ADARB2: variants seen among roughly 807,000 people sequenced by gnomAD.
ADARB2 encodes inactive double-stranded RNA-specific editase B2.
A neutral mutation model predicts 62.2 loss-of-function variants in ADARB2; 25 were observed. That is an observed-to-expected ratio of 0.40 (90% CI 0.29 to 0.56). The LOEUF is 0.56. Among genes scored for constraint, ADARB2 ranks in the 20% least tolerant of loss-of-function variants. The pLI is 0.43. For missense variants in ADARB2, 1,071 were observed against 1,077.4 expected, an observed-to-expected ratio of 0.99 and a Z score of 0.08; for synonymous variants, 572 against 500.8, an observed-to-expected ratio of 1.14 and a Z score of -1.90.
intron 3 of ADARB2, among the ~76,000 whole-genome samples, chr10:1,333,724 A>G (rs1831949059): frequency 6.6e-6 from 1 of 152,226 alleles, no homozygotes; most frequent in African/African-American, 2.4e-5. Context: ...AAAAGGAAGC[A>G]GCAGCCCGTG....
chr10:1,361,351 C>A, intron 3 of ADARB2: 1 of 152,304 alleles, frequency 6.6e-6, no homozygotes, highest in Non-Finnish European at 1.5e-5. Context: ...CCCCAGCGCC[C>A]TTGTGAGGAA....
intron 1 of ADARB2, among the ~76,000 whole-genome samples, chr10:1,497,025 G>C (rs543087008): frequency 1.3e-5 from 2 of 152,148 alleles, no homozygotes; most frequent in Admixed American, 1.3e-4. Flanking sequence ...GTCCAGCCCT[G>C]CCTCTAGCTG....
chr10:1,723,969 C>T (rs1475742337), intron 1 of ADARB2, among the ~76,000 whole-genome samples: 1 of 152,160 alleles, frequency 6.6e-6, no homozygotes, highest in Non-Finnish European at 1.5e-5. Context: ...GATACCCTAA[C>T]CGTAAGCTTT....
chr10:1,422,140 TAAGCCAAGGTTGGC>T (rs1292073701), intron 1 of ADARB2, among the ~76,000 whole-genome samples: 1 of 152,228 alleles, frequency 6.6e-6, no homozygotes, highest in Non-Finnish European at 1.5e-5. Flanking sequence ...CACGAGTTTT[TAAGCCAAGGTTGGC>T]AAGAGGAATA....
At chr10:1,716,634 A>G in intron 1 of ADARB2, among the ~76,000 whole-genome samples, 1 of 152,238 alleles carries the variant, frequency 6.6e-6, no homozygotes, top group East Asian at 1.9e-4. Context: ...AAGAAGTCTT[A>G]CAGCAAAACA....
intron 1 of ADARB2, among the ~76,000 whole-genome samples, chr10:1,591,420 G>A (rs1297076480): frequency 6.6e-6 from 1 of 152,152 alleles, no homozygotes; most frequent in Non-Finnish European, 1.5e-5. Flanking sequence ...GTCTACAGCT[G>A]CATTATTGGC....
intron 1 of ADARB2, among the ~76,000 whole-genome samples, chr10:1,496,004 G>C (rs905262686): frequency 1.3e-5 from 2 of 149,014 alleles, no homozygotes; most frequent in African/African-American, 2.5e-5. Flanking sequence ...CATCATCATA[G>C]TCATCATCAT....
intron 1 of ADARB2, among the ~76,000 whole-genome samples, chr10:1,606,375 TG>T (rs1302817328): frequency 6.6e-6 from 1 of 152,142 alleles, no homozygotes; most frequent in Non-Finnish European, 1.5e-5. Flanking sequence ...TGGACACACC[TG>T]GTGAGGAGTG....
intron 1 of ADARB2, among the ~76,000 whole-genome samples, chr10:1,393,641 T>C (rs1243262979): frequency 6.6e-6 from 1 of 152,204 alleles, no homozygotes; most frequent in East Asian, 1.9e-4. Context: ...ACTATGGTAC[T>C]GTGCACAGTC....
In ADARB2 at chr10:1,224,775, G is replaced by C. The variant is rs568143264; in HGVS notation, c.1514-7656C>G. ...TTCTAGTTTGATTGCACTGTGGTCT[G>C]AGAGACAGTTTGTTATAATTTCGGT... On this transcript the variant is annotated intron_variant, in intron 6 of 9. Transcript: ENST00000381312. Among the ~76,000 whole-genome samples, 147 of 152,330 alleles carry C rather than the reference G, an allele frequency of 9.7e-4. 2 individuals carry two copies. In the South Asian group the frequency reaches 0.013, roughly 14 times the overall value.
At chr10:1,314,232 C>T (rs751299832) in intron 3 of ADARB2, among the ~76,000 whole-genome samples, 24 of 152,194 alleles carry the variant, frequency 1.6e-4, no homozygotes, top group Non-Finnish European at 3.4e-4. Flanking sequence ...AACACCTGCT[C>T]CCCAGCAGAG....
rs1833219888 is a variant in ADARB2, at chr10:1,589,372, G to C, written c.100+147679C>G. 2.0e-5 allele frequency among the ~76,000 whole-genome samples: 3 copies of C among 151,258 alleles called. No individual in the cohort carries two copies. The South Asian group carries it at 6.3e-4, about 32-fold the overall frequency. ...GGGCATCCATGGTAGGGTGTCCACT[G>C]TTGGGGCATCCATGGTCAAGGCATC... is the stretch of plus-strand genomic sequence containing the variant. On this transcript the variant is annotated intron_variant, in intron 1 of 9. Coordinates refer to ENST00000381312, the MANE Select transcript of ADARB2 (RefSeq NM_018702.4).
At chr10:1,647,640 A>G (rs1834060821) in intron 1 of ADARB2, among the ~76,000 whole-genome samples, 1 of 151,784 alleles carries the variant, frequency 6.6e-6, no homozygotes, top group Non-Finnish European at 1.5e-5. Flanking sequence ...GTGGATATAT[A>G]TGTGTGGGGG....
At chr10:1,464,154 C>CG (rs1295028959) in intron 1 of ADARB2, among the ~76,000 whole-genome samples, 4 of 150,990 alleles carry the variant, frequency 2.6e-5, no homozygotes, top group East Asian at 2.0e-4. Flanking sequence ...CACACACGCG[C>CG]GGGGGGCAGT....
chr10:1,267,074 A>C (rs1831211592), intron 4 of ADARB2, among the ~76,000 whole-genome samples: 1 of 151,954 alleles, frequency 6.6e-6, no homozygotes, highest in Non-Finnish European at 1.5e-5. Flanking sequence ...AACTATACAA[A>C]TAGCTTAAAT....
In ADARB2 at chr10:1,379,074, T is replaced by C; in HGVS notation, c.187A>G (p.Ser63Gly). Residue 63 changes from serine to glycine, a missense_variant and splice_region_variant, in exon 2 of 10, where the codon AGT becomes GGT. Ser to Gly is a moderately conservative substitution (Grantham distance 56). Transcript: ENST00000381312. ...ACTTCGGGGAAGGGAAGTTGCTTAC[T>C]GAGGGTGTCGTCATCCTCCGTGTTT... ...ITNTEDDDTL[S>G]TSSAEVKENR... 6.2e-7 allele frequency: 1 copy of C among 1,612,498 alleles called. No individual in the cohort carries two copies. Among genetic ancestry groups the C allele is most frequent in the Non-Finnish European group, 8.5e-7 (1 of 1,178,596 alleles).
At chr10:1,639,587 G>C (rs1204885857) in intron 1 of ADARB2, among the ~76,000 whole-genome samples, 1 of 152,238 alleles carries the variant, frequency 6.6e-6, no homozygotes, top group African/African-American at 2.4e-5. Flanking sequence ...GCTCACGCCT[G>C]TCATCCCAGC....
intron 2 of ADARB2, among the ~76,000 whole-genome samples, chr10:1,377,467 C>T (rs575653146): frequency 2.5e-5 from 3 of 119,760 alleles, no homozygotes; most frequent in African/African-American, 6.7e-5. Context: ...TGTGTGTGCT[C>T]CTGGGGTGTG....
At chr10:1,326,256 A>T (rs1047561046) in intron 3 of ADARB2, among the ~76,000 whole-genome samples, 1 of 152,194 alleles carries the variant, frequency 6.6e-6, no homozygotes. Flanking sequence ...ATTTTAACTC[A>T]CTAATTATGA....
Sources: gnomAD v4.1 joint callset for allele counts (sites outside exome capture counted in the v4.1 genomes callset) on GRCh38, gnomAD v4.1.1 for gene constraint, MANE v1.5 for transcripts, NCBI Gene and HGNC (gene_info 2026-07-23, HGNC 2026-07-21) for gene names.